The following PRSS56 variants were observed in gnomAD, a reference collection of about 807,000 sequenced individuals.
PRSS56 encodes serine protease 56, also known as protease, serine 56.
In PRSS56, 55 loss-of-function variants were observed where a neutral mutation model predicts 66.8. That is an observed-to-expected ratio of 0.82 (90% CI 0.66 to 1.03). The LOEUF is 1.03. Among genes scored for constraint, PRSS56 ranks in the 50% least tolerant of loss-of-function variants. The pLI is 0.00. For missense variants in PRSS56, 869 were observed against 837.2 expected (o/e 1.04, Z -0.47); for synonymous variants, 409 against 387.9 (o/e 1.05, Z -0.64).
At chr2:232,523,611 G>C in intron 8 of PRSS56, 33 bp downstream of exon 8, 1 of 1,506,002 alleles carries the variant, frequency 6.6e-7, no homozygotes, top group Non-Finnish European at 8.8e-7. Context: ...CCCGTCCCCA[G>C]TGCCCCAACG....
rs1335967386 is a variant in PRSS56 at position 232,522,025 on chromosome 2, GC to G, written c.312del (p.Ile105SerfsTer16). 1 of 1,457,396 alleles carries G rather than the reference GC, an allele frequency of 6.9e-7. No homozygotes were observed. The highest frequency in any genetic ancestry group is 9.0e-7 in the Non-Finnish European group (1 of 1,111,654). The allele number at this position is 1,457,396 out of a possible 1,614,324, so 90.3% of individuals were successfully genotyped here. On this transcript the variant is annotated frameshift_variant, in exon 4 of 13. Transcript: ENST00000617714. LOFTEE classifies it high-confidence loss of function. ...STANVTRAHGRIVGGSAAPPG... is the reference protein window; with the variant it reads ...STANVTRAHGXIVGGSAAPPG... Reference sequence around the variant, plus strand: ...GCCAATGTGACGCGGGCCCACGGCCGCATCGTGGGGGGCAGCGCGGCGCCGC... The same window carrying G: ...GCCAATGTGACGCGGGCCCACGGCCGATCGTGGGGGGCAGCGCGGCGCCGC...
In PRSS56 at chr2:232,523,117, C is replaced by G; in HGVS notation, c.764C>G (p.Thr255Ser). 1 of 1,534,932 alleles carries G rather than the reference C, an allele frequency of 6.5e-7. No homozygotes were observed. The highest frequency in any genetic ancestry group is 2.0e-5 in the Admixed American group (1 of 50,848). Residue 255 changes from threonine to serine, a missense_variant, in exon 7 of 13, where the codon ACC becomes AGC. Around this residue, in one of 3 missense-constraint regions of PRSS56, gnomAD observed 551 missense variants for 506.9 expected, o/e 1.09. Coordinates refer to ENST00000617714, the MANE Select transcript of PRSS56 (RefSeq NM_001195129.2). ...EARVPLLSTD[T>S]CRRALGPGLR... ...CGTGTTCCCCTGCTCAGCACCGACACCTGCCGAAGAGCCCTGGGGCCCGGG... is the reference window on the plus strand; with the variant it reads ...CGTGTTCCCCTGCTCAGCACCGACAGCTGCCGAAGAGCCCTGGGGCCCGGG...
chr2:232,521,430 T>A lies in PRSS56; in HGVS notation c.205+2T>A. 1 of 1,534,594 alleles carries A rather than the reference T, an allele frequency of 6.5e-7. No individual in the cohort carries two copies. On this transcript the variant is annotated splice_donor_variant, in intron 2 of 12. Transcript: ENST00000617714. LOFTEE classifies it high-confidence loss of function. ...AGCACAGATCGCACGAGTGCCGAGG[T>A]GCCCACCCTGCCCCCCGTGCCCCAG...
chr2:232,520,407 G>GCCA lies in PRSS56; in HGVS notation c.-191_-189dup. The GCCA allele has an allele frequency of 1.6e-6, 1 of 628,222 alleles. No individual in the cohort carries two copies. The highest frequency in any genetic ancestry group is 2.9e-6 in the Non-Finnish European group (1 of 345,648). The allele number at this position is 628,222 out of a possible 1,614,324, so 38.9% of individuals were successfully genotyped here. A position where few individuals can be genotyped will look rare whatever the true frequency, so the allele number is the denominator to read the frequency against. On this transcript the variant is annotated 5_prime_UTR_variant, in exon 1 of 13. Transcript: ENST00000617714. ...CCCTGTGGGCTCCTAGGAGTTAAGG[G>GCCA]CCAGGTGAGGGCTGACCAGGGAGGC...
intron 4 of PRSS56, 64 bp downstream of exon 4, chr2:232,522,224 G>A: frequency 7.5e-7 from 1 of 1,333,656 alleles, no homozygotes; most frequent in Non-Finnish European, 9.7e-7. Flanking sequence ...CACCTGCCGG[G>A]TTGTCCGGCG....
At chr2:232,521,075 AT>A (rs1244519376) in intron 1 of PRSS56, among the ~76,000 whole-genome samples, 1 of 152,200 alleles carries the variant, frequency 6.6e-6, no homozygotes. Context: ...TTTAAAAAAA[AT>A]TGTTAAGGAA....
chr2:232,524,128 C>G lies in PRSS56; in HGVS notation c.1276C>G (p.Pro426Ala), dbSNP rs973589135. ...GPRPGLRRLAPALALPAPALR... is the reference protein window; with the variant it reads ...GPRPGLRRLAAALALPAPALR... The stretch of plus-strand genomic sequence containing the variant: ...TCGTCCGGGACTGCGGCGCCTGGCC[C>G]CCGCCCTGGCTCTCCCCGCTCCAGC... The change falls in exon 10 of 13, where the codon CCC becomes GCC. Residue 426 changes from proline (P) to alanine (A), a missense_variant. Transcript: ENST00000617714. 5 of 1,510,946 alleles carry G rather than the reference C, an allele frequency of 3.3e-6. No individual in the cohort carries two copies. In the Admixed American group the frequency reaches 6.2e-5, roughly 19 times the overall value. 93.6% of individuals were successfully genotyped at this position (1,510,946 alleles called of 1,614,324 possible).
rs1012712721 is a variant in PRSS56 at position 232,524,173 on chromosome 2, C to T, written c.1321C>T (p.His441Tyr). Residue 441 changes from histidine to tyrosine, a missense_variant, in exon 10 of 13, where the codon CAC becomes TAC. Coordinates refer to ENST00000617714, the MANE Select transcript of PRSS56 (RefSeq NM_001195129.2). ...TCCAGCGCTCAGGGAGTCTCCTCTGCACCCCGCCCGGGAGCTGCGGCTTCA... is the reference window on the plus strand; with the variant it reads ...TCCAGCGCTCAGGGAGTCTCCTCTGTACCCCGCCCGGGAGCTGCGGCTTCA... ...PAPALRESPLHPARELRLHSG... is the reference protein window; with the variant it reads ...PAPALRESPLYPARELRLHSG... 14 of 1,528,224 alleles carry T rather than the reference C, an allele frequency of 9.2e-6. No homozygotes were observed. In the African/African-American group the frequency reaches 1.4e-4, roughly 15 times the overall value. 94.7% of individuals were successfully genotyped at this position (1,528,224 alleles called of 1,614,324 possible). A position where few individuals can be genotyped will look rare whatever the true frequency, so the allele number is the denominator to read the frequency against.
At position 232,524,350 on chromosome 2, in the gene PRSS56, G is replaced by A. The variant is rs1200030714; in HGVS notation, c.1395G>A (p.Glu465=). Residue 465 remains glutamate, a synonymous_variant, in exon 11 of 13, where the codon GAG becomes GAA. Transcript: ENST00000617714. ...CTCGGTTCCCGAAGCGGAGGCCGGA[G>A]CCGCGCGGAGAAGCCAACGGTAATG... ...AGTRFPKRRP[E]PRGEANGCPG... 10 of 1,535,592 alleles carry A rather than the reference G, an allele frequency of 6.5e-6. No individual in the cohort carries two copies. Among genetic ancestry groups the A allele is most frequent in the Non-Finnish European group, 8.7e-6 (10 of 1,146,748 alleles).
In PRSS56 at chr2:232,524,334, C is replaced by G. The variant is rs778673553; in HGVS notation, c.1379C>G (p.Pro460Arg). ...TCGCGGGCTGCAGGCACTCGGTTCC[C>G]GAAGCGGAGGCCGGAGCCGCGCGGA... The part of the protein sequence containing the change: ...SGSRAAGTRF[P>R]KRRPEPRGEA... Residue 460 changes from proline (P) to arginine (R), a missense_variant, in exon 11 of 13, where the codon CCG becomes CGG. This residue lies in a region of PRSS56 where 551 missense variants were observed against 506.9 expected (regional missense o/e 1.09). Transcript: ENST00000617714. The G allele has an allele frequency of 6.5e-7, 1 of 1,535,780 alleles. No individual in the cohort carries two copies. The highest frequency in any genetic ancestry group is 8.7e-7 in the Non-Finnish European group (1 of 1,146,830).
rs1691319380 is a variant in PRSS56, at chr2:232,523,046, C to T, written c.707-14C>T. 2.0e-6 allele frequency: 3 copies of T among 1,533,770 alleles called. No homozygotes were observed. Among genetic ancestry groups the T allele is most frequent in the Non-Finnish European group, 2.6e-6 (3 of 1,145,636 alleles). On this transcript the variant is annotated splice_polypyrimidine_tract_variant and intron_variant, in intron 6 of 12. Coordinates refer to ENST00000617714, the MANE Select transcript of PRSS56 (RefSeq NM_001195129.2). ...TTGCCCTCCAAACCTGAGCCTTCCACCCCTTCCCTGCAGACGGGCCTGAGG... is the reference window on the plus strand; with the variant it reads ...TTGCCCTCCAAACCTGAGCCTTCCATCCCTTCCCTGCAGACGGGCCTGAGG...
rs1691339861 is a variant in PRSS56 at position 232,523,897 on chromosome 2, T to G, written c.1138T>G (p.Cys380Gly). The change falls in exon 9 of 13, where the codon TGT becomes GGT. Residue 380 changes from cysteine (C) to glycine (G), a missense_variant. Cys to Gly is a radical substitution (Grantham distance 159). Coordinates refer to ENST00000617714, the MANE Select transcript of PRSS56 (RefSeq NM_001195129.2). ...ARLCPGSQGA[C>G]ARLAHQQCLQ... ...CCTGTGCCCGGGGTCCCAGGGCGCCTGTGCGCGCCTGGCGCACCAGCAGTG... is the reference window on the plus strand; with the variant it reads ...CCTGTGCCCGGGGTCCCAGGGCGCCGGTGCGCGCCTGGCGCACCAGCAGTG... 9 of 1,521,080 alleles carry G rather than the reference T, an allele frequency of 5.9e-6. No homozygotes were observed. Among genetic ancestry groups the G allele is most frequent in the Non-Finnish European group, 7.9e-6 (9 of 1,139,450 alleles). The allele number at this position is 1,521,080 out of a possible 1,614,324, so 94.2% of individuals were successfully genotyped here. A position where few individuals can be genotyped will look rare whatever the true frequency, so the allele number is the denominator to read the frequency against.
rs1269783624 is a variant in PRSS56, at chr2:232,523,896, C to A, written c.1137C>A (p.Ala379=). 2.6e-6 allele frequency: 4 copies of A among 1,521,172 alleles called. No individual in the cohort carries two copies. The South Asian group carries it at 4.8e-5, about 18-fold the overall frequency. The allele number at this position is 1,521,172 out of a possible 1,614,324, so 94.2% of individuals were successfully genotyped here. A position where few individuals can be genotyped will look rare whatever the true frequency, so the allele number is the denominator to read the frequency against. ...GCCTGTGCCCGGGGTCCCAGGGCGC[C>A]TGTGCGCGCCTGGCGCACCAGCAGT... ...YARLCPGSQG[A]CARLAHQQCL... is the part of the protein sequence containing the mutation. Residue 379 remains alanine, a synonymous_variant, in exon 9 of 13, where the codon GCC becomes GCA. Transcript: ENST00000617714.
rs1559288043 is a variant in PRSS56, at chr2:232,520,580, ACC to A, written c.-16_-15del. 1.2e-5 allele frequency: 19 copies of A among 1,531,550 alleles called. No homozygotes were observed. Among genetic ancestry groups the A allele is most frequent in the Non-Finnish European group, 1.7e-5 (19 of 1,142,970 alleles). 94.9% of individuals were successfully genotyped at this position (1,531,550 alleles called of 1,614,324 possible). ...GGAGGAGAGAGGACAGGGGTCTCTC[ACC>A]CCAGCTCCTGGTCACCATGCTGCTG... On this transcript the variant is annotated 5_prime_UTR_variant, in exon 1 of 13. Coordinates refer to ENST00000617714, the MANE Select transcript of PRSS56 (RefSeq NM_001195129.2).
At chr2:232,523,664 T>G in intron 8 of PRSS56, 86 bp downstream of exon 8, 2 of 1,513,348 alleles carry the variant, frequency 1.3e-6, no homozygotes, top group Admixed American at 4.0e-5. Flanking sequence ...CCCATGCCCA[T>G]TCCCAGCTCC....
chr2:232,522,422 A>G, intron 4 of PRSS56, 93 bp from the exon 5 acceptor site: 1 of 1,178,474 alleles, frequency 8.5e-7, no homozygotes, highest in South Asian at 1.7e-5. Context: ...AGGTGGAGAA[A>G]GCCCGGCATG....
In PRSS56 at chr2:232,525,278, C is replaced by T; in HGVS notation, c.1584C>T (p.Gly528=). ...TGLFRAWVRA[G]LGGRHVAFSG... ...TTTTCAGAGCCTGGGTGCGGGCAGG[C>T]TTGGGGGGCCGGCATGTGGCCTTCA... The change falls in exon 13 of 13, where the codon GGC becomes GGT. Residue 528 remains glycine (G), a synonymous_variant. Transcript: ENST00000617714. The T allele has an allele frequency of 1.3e-6, 2 of 1,521,924 alleles. No individual in the cohort carries two copies. Among genetic ancestry groups the T allele is most frequent in the Non-Finnish European group, 8.8e-7 (1 of 1,138,344 alleles). 94.3% of individuals were successfully genotyped at this position (1,521,924 alleles called of 1,614,324 possible).
intron 6 of PRSS56, 52 bp from the exon 7 acceptor site, chr2:232,523,008 C>T (rs1691318725): frequency 3.3e-6 from 5 of 1,518,670 alleles, no homozygotes; most frequent in Non-Finnish European, 4.4e-6. Flanking sequence ...AGGGGACCCT[C>T]AAGGCGGGGC....
rs901736764 is a variant in PRSS56, at chr2:232,522,505, C to A, written c.447-10C>A. Reference sequence around the variant, plus strand: ...TCCTTCCTGCGTCTCAGCTGCCGCTCGACCCGCAGCGCCCCGAATGAGCTT... The same window carrying A: ...TCCTTCCTGCGTCTCAGCTGCCGCTAGACCCGCAGCGCCCCGAATGAGCTT... On this transcript the variant is annotated splice_polypyrimidine_tract_variant and intron_variant, in intron 4 of 12. Coordinates refer to ENST00000617714, the MANE Select transcript of PRSS56 (RefSeq NM_001195129.2). The A allele has an allele frequency of 1.3e-6, 2 of 1,526,152 alleles. No homozygotes were observed. Among genetic ancestry groups the A allele is most frequent in the African/African-American group, 1.4e-5 (1 of 72,532 alleles). The allele number at this position is 1,526,152 out of a possible 1,614,324, so 94.5% of individuals were successfully genotyped here. A position where few individuals can be genotyped will look rare whatever the true frequency, so the allele number is the denominator to read the frequency against.
Sources: gnomAD v4.1 joint callset for allele counts (sites outside exome capture counted in the v4.1 genomes callset) on GRCh38, gnomAD v4.1.1 for gene constraint, gnomAD v4.1.1 regional missense constraint, MANE v1.5 for transcripts, NCBI Gene and HGNC (gene_info 2026-07-23, HGNC 2026-07-21) for gene names.